Variants in OPCML observed in about 807,000 individuals in gnomAD.
OPCML encodes the protein opioid-binding protein/cell adhesion molecule.
Under a neutral mutation model 37.8 loss-of-function variants are expected in OPCML, and 13 were observed. The ratio of observed to expected loss-of-function variants is 0.34; its 90% confidence interval spans 0.22 to 0.55. OPCML has a LOEUF of 0.55. Ranked by LOEUF, OPCML falls within the 20% of genes least tolerant of loss-of-function variation. The pLI is 0.91. For synonymous variants in OPCML, 176 were observed against 168.8 expected, an observed-to-expected ratio of 1.04 and a Z score of -0.33; for missense variants, 341 against 435.6, an observed-to-expected ratio of 0.78 and a Z score of 1.93.
At chr11:132,696,420 G>A (rs1943600817) in intron 2 of OPCML, among the ~76,000 whole-genome samples, 1 of 152,088 alleles carries the variant, frequency 6.6e-6, no homozygotes, top group Non-Finnish European at 1.5e-5. Context: ...AAGAAAACTG[G>A]TCTCAGAAGA....
At chr11:132,508,218 C>A (rs2096261552) in intron 4 of OPCML, among the ~76,000 whole-genome samples, 1 of 152,168 alleles carries the variant, frequency 6.6e-6, no homozygotes, top group Admixed American at 6.5e-5. Flanking sequence ...CATGTCCCAA[C>A]TCATTTTATG....
intron 2 of OPCML, among the ~76,000 whole-genome samples, chr11:132,694,385 G>A (rs1943527139): frequency 6.6e-6 from 1 of 151,712 alleles, no homozygotes; most frequent in South Asian, 2.1e-4. Context: ...TTTTAGTAGA[G>A]GTGAGGTTTC....
chr11:133,356,276 T>C (rs942588814), intron 1 of OPCML, among the ~76,000 whole-genome samples: 1 of 152,266 alleles, frequency 6.6e-6, no homozygotes, highest in South Asian at 2.1e-4. Flanking sequence ...CATCCGATTA[T>C]AGGTGAAGGA....
intron 1 of OPCML, among the ~76,000 whole-genome samples, chr11:133,167,536 T>G (rs1950226556): frequency 6.6e-6 from 1 of 152,068 alleles, no homozygotes; most frequent in East Asian, 1.9e-4. Context: ...TCTTTTTTTT[T>G]TTTTTCAGGT....
intron 1 of OPCML, among the ~76,000 whole-genome samples, chr11:132,945,556 G>A (rs574559850): frequency 3.3e-4 from 50 of 152,260 alleles, no homozygotes; most frequent in African/African-American, 9.6e-4. Flanking sequence ...GCACACCACC[G>A]TAGTCTTCAT....
chr11:133,441,790 A>C (rs1946369478), intron 1 of OPCML, among the ~76,000 whole-genome samples: 1 of 152,192 alleles, frequency 6.6e-6, no homozygotes, highest in South Asian at 2.1e-4. Flanking sequence ...TTTGAAAGAT[A>C]TTTTCAACAT....
At chr11:133,456,582 G>A (rs1946675702) in intron 1 of OPCML, among the ~76,000 whole-genome samples, 1 of 151,926 alleles carries the variant, frequency 6.6e-6, no homozygotes, top group African/African-American at 2.4e-5. Context: ...AGAAAAATAG[G>A]TATCAGACTG....
chr11:133,008,507 C>T (rs1947155337), intron 1 of OPCML: 1 of 854,172 alleles, frequency 1.2e-6, no homozygotes, highest in Non-Finnish European at 1.4e-6. Flanking sequence ...TCTCCAGGTG[C>T]CAGGAATATT....
chr11:133,363,760 G>A (rs998221190), intron 1 of OPCML, among the ~76,000 whole-genome samples: 2 of 152,116 alleles, frequency 1.3e-5, no homozygotes, highest in African/African-American at 2.4e-5. Flanking sequence ...AGGTCAGTGG[G>A]GCTCTGGGAA....
chr11:132,857,554 G>A (rs910957816), intron 2 of OPCML, among the ~76,000 whole-genome samples: 7 of 152,138 alleles, frequency 4.6e-5, no homozygotes, highest in Non-Finnish European at 1.0e-4. Flanking sequence ...ACTACAATCT[G>A]TGTGAAGCCA....
intron 2 of OPCML, among the ~76,000 whole-genome samples, chr11:132,702,536 T>C (rs1262808848): frequency 6.6e-6 from 1 of 152,226 alleles, no homozygotes; most frequent in African/African-American, 2.4e-5. Context: ...TGTGTCAAAG[T>C]GAAGATCTTT....
chr11:132,920,272 C>T (rs990260712), intron 2 of OPCML, among the ~76,000 whole-genome samples: 2 of 152,182 alleles, frequency 1.3e-5, no homozygotes, highest in Non-Finnish European at 2.9e-5. Context: ...GGGAGTCTAA[C>T]GCAGTGACAC....
intron 2 of OPCML, among the ~76,000 whole-genome samples, chr11:132,679,271 C>T (rs145016913): frequency 6.6e-4 from 101 of 152,070 alleles, no homozygotes; most frequent in African/African-American, 2.4e-3. Flanking sequence ...AATGAACACA[C>T]GTCCACACAA....
intron 1 of OPCML, among the ~76,000 whole-genome samples, chr11:133,483,820 G>GATAGATAGATAGATAA (rs1344805440): frequency 0.044 from 6,625 of 149,594 alleles, 277 homozygotes; most frequent in African/African-American, 0.095. Context: ...TAGATAGATA[G>GATAGATAGATAGATAA]ATAGATAGGA....
chr11:132,479,999 A>G (rs1026426646), intron 4 of OPCML, among the ~76,000 whole-genome samples: 4 of 152,224 alleles, frequency 2.6e-5, no homozygotes, highest in Admixed American at 6.5e-5. Flanking sequence ...CTCACCAGCA[A>G]TGGAACAAAG....
At chr11:133,244,065 G>A (rs1940828648) in intron 1 of OPCML, among the ~76,000 whole-genome samples, 1 of 152,202 alleles carries the variant, frequency 6.6e-6, no homozygotes, top group South Asian at 2.1e-4. Flanking sequence ...TCCACCTTGG[G>A]GCAGAACATG....
chr11:133,159,774 T>TAAGCAC (rs1950116840), intron 1 of OPCML, among the ~76,000 whole-genome samples: 1 of 152,172 alleles, frequency 6.6e-6, no homozygotes. Flanking sequence ...AGCTGCAAAA[T>TAAGCAC]AAGCACAAGA....
chr11:132,486,553 C>T (rs895406425), intron 4 of OPCML, among the ~76,000 whole-genome samples: 2 of 151,982 alleles, frequency 1.3e-5, no homozygotes, highest in South Asian at 4.2e-4. Context: ...CCCATTCAAA[C>T]CCCACCAAAA....
chr11:133,459,802 T>C (rs1946818357), intron 1 of OPCML, among the ~76,000 whole-genome samples: 1 of 152,006 alleles, frequency 6.6e-6, no homozygotes. Flanking sequence ...CTTTCAGTAA[T>C]GGATAGAACA....
Sources: gnomAD v4.1 joint callset for allele counts (sites outside exome capture counted in the v4.1 genomes callset) on GRCh38, gnomAD v4.1.1 for gene constraint, MANE v1.5 for transcripts, NCBI Gene and HGNC (gene_info 2026-07-23, HGNC 2026-07-21) for gene names.